CLIC1: variants seen among roughly 807,000 people sequenced by gnomAD.
CLIC1 encodes the protein chloride intracellular channel protein 1.
CLIC1 carries 16 observed loss-of-function variants against 26.4 expected under a neutral mutation model. The ratio of observed to expected loss-of-function variants is 0.61; its 90% CI spans 0.41 to 0.92. The LOEUF (loss-of-function observed/expected upper bound fraction) is 0.92. Among genes scored for constraint, CLIC1 ranks in the 40% least tolerant of loss-of-function variants. CLIC1 has a pLI of 0.00. For missense variants in CLIC1, 225 were observed against 289.7 expected, an observed-to-expected ratio of 0.78 and a Z score of 1.62; for synonymous variants, 98 against 120.8, an observed-to-expected ratio of 0.81 and a Z score of 1.24.
chr6:31,730,693 C>T lies in CLIC1; in HGVS notation c.*149G>A, dbSNP rs1337443961. On this transcript the variant is annotated 3_prime_UTR_variant, in exon 6 of 6. Coordinates refer to ENST00000375784, the Ensembl canonical transcript of CLIC1. The surrounding 1 kb of genome is among the most constrained non-coding windows in gnomAD (Gnocchi z 5.1). Reference sequence around the variant, plus strand: ...CAGGCCCCCCATTTCTTTCCCTCATCCCCTCTTCCACCACACCATCCCGGA... The same window carrying T: ...CAGGCCCCCCATTTCTTTCCCTCATTCCCTCTTCCACCACACCATCCCGGA... The T allele has an allele frequency of 1.3e-6, 1 of 777,732 alleles. No homozygotes were observed. Among genetic ancestry groups the T allele is most frequent in the Non-Finnish European group, 2.1e-6 (1 of 482,100 alleles). 48.2% of individuals were successfully genotyped at this position (777,732 alleles called of 1,614,324 possible). A position where few individuals can be genotyped will look rare whatever the true frequency, so the allele number is the denominator to read the frequency against.
chr6:31,736,891 TTC>T, upstream of CLIC1: 1 of 985,674 alleles, frequency 1.0e-6, no homozygotes, highest in South Asian at 4.7e-5. This position sits in a 1 kb window ranked among gnomAD's most constrained non-coding sequence, Gnocchi z 5.0. Context: ...CCAATCCAAA[TTC>T]TGGGTTGCTG....
chr6:31,733,511 C>T lies in CLIC1; in HGVS notation c.382+55G>A, dbSNP rs1808119133. The T allele has an allele frequency of 8.3e-6, 11 of 1,319,496 alleles. No homozygotes were observed. Among genetic ancestry groups the T allele is most frequent in the South Asian group, 3.5e-5 (3 of 84,568 alleles). 81.7% of individuals were successfully genotyped at this position (1,319,496 alleles called of 1,614,324 possible). A position where few individuals can be genotyped will look rare whatever the true frequency, so the allele number is the denominator to read the frequency against. ...CCAGGTGCCCCTAATGTCTCCTACC[C>T]GCTGGGTCCTCTCTATTCCTCCCAG... On this transcript the variant is annotated intron_variant, in intron 4 of 5. Transcript: ENST00000375784. The surrounding 1 kb of genome is among the most constrained non-coding windows in gnomAD (Gnocchi z 5.4).
chr6:31,733,614 C>A lies in CLIC1; in HGVS notation c.334G>T (p.Ala112Ser), dbSNP rs1232262798. 1 of 1,613,006 alleles carries A rather than the reference C, an allele frequency of 6.2e-7. No homozygotes were observed. Among genetic ancestry groups the A allele is most frequent in the Admixed American group, 1.7e-5 (1 of 60,010 alleles). The change falls in exon 4 of 6, where the codon GCC becomes TCC. Residue 112 changes from alanine to serine, a missense_variant. Coordinates refer to ENST00000375784, the Ensembl canonical transcript of CLIC1. This position sits in a 1 kb window ranked among gnomAD's most constrained non-coding sequence, Gnocchi z 5.4. ...TTCTTGATGTAGGCAGAAAATTTGG[C>A]AAATATGTCCAGCCCAGCTGTGTTG...
chr6:31,733,473 G>C lies in CLIC1; in HGVS notation c.382+93C>G. Reference sequence around the variant, plus strand: ...TTACGAACATCTGCTTCATCTCCCTGATATCTGAACGTCCAGGTGCCCCTA... The same window carrying C: ...TTACGAACATCTGCTTCATCTCCCTCATATCTGAACGTCCAGGTGCCCCTA... On this transcript the variant is annotated intron_variant, in intron 4 of 5. Transcript: ENST00000375784. The surrounding 1 kb of genome is among the most constrained non-coding windows in gnomAD (Gnocchi z 5.4). The C allele has an allele frequency of 5.8e-6, 5 of 856,954 alleles. No homozygotes were observed. The highest frequency in any genetic ancestry group is 9.7e-6 in the Non-Finnish European group (5 of 516,406). The allele number at this position is 856,954 out of a possible 1,614,324, so 53.1% of individuals were successfully genotyped here. A position where few individuals can be genotyped will look rare whatever the true frequency, so the allele number is the denominator to read the frequency against.
upstream of CLIC1, chr6:31,736,999 C>T (rs1583874302): frequency 1.0e-6 from 1 of 965,734 alleles, no homozygotes; most frequent in Non-Finnish European, 1.2e-6. The surrounding 1 kb of genome is among the most constrained non-coding windows in gnomAD (Gnocchi z 5.0). Flanking sequence ...AGGGGTGACG[C>T]CAGCACTCCC....
At position 31,733,805 on chromosome 6, in the gene CLIC1, C is replaced by G; in HGVS notation, c.275+31G>C. On this transcript the variant is annotated intron_variant, in intron 3 of 5. Transcript: ENST00000375784. This position sits in a 1 kb window ranked among gnomAD's most constrained non-coding sequence, Gnocchi z 5.4. ...GTCTGTTTCCCAGAATCTCCCTGCT[C>G]CACCTCTCCACTTTCTGAGTGCCCC... is the stretch of plus-strand genomic sequence containing the variant. 1 of 1,612,376 alleles carries G rather than the reference C, an allele frequency of 6.2e-7. No individual in the cohort carries two copies. The highest frequency in any genetic ancestry group is 1.1e-5 in the South Asian group (1 of 91,064).
In CLIC1 at chr6:31,730,833, A is replaced by G; in HGVS notation, c.*9T>C. 6.2e-7 allele frequency: 1 copy of G among 1,612,922 alleles called. No homozygotes were observed. ...AAATGGAGGGGGTTGAGGGAGTCCCAGGAGGGGCTTATTTGAGGGCCTTTG... is the reference window on the plus strand; with the variant it reads ...AAATGGAGGGGGTTGAGGGAGTCCCGGGAGGGGCTTATTTGAGGGCCTTTG... On this transcript the variant is annotated 3_prime_UTR_variant, in exon 6 of 6. Coordinates refer to ENST00000375784, the Ensembl canonical transcript of CLIC1. This position sits in a 1 kb window ranked among gnomAD's most constrained non-coding sequence, Gnocchi z 5.1.
At chr6:31,731,055 C>T in intron 5 of CLIC1, 52 bp from the exon 6 acceptor site, 1 of 1,553,146 alleles carries the variant, frequency 6.4e-7, no homozygotes, top group Non-Finnish European at 8.8e-7. Flanking sequence ...GGGAAGCCAC[C>T]TTGGCTTTCC....
rs1229713685 is a variant in CLIC1 at position 31,732,273 on chromosome 6, C to T, written c.508G>A (p.Gly170Ser). 2 of 1,597,126 alleles carry T rather than the reference C, an allele frequency of 1.3e-6. No individual in the cohort carries two copies. Among genetic ancestry groups the T allele is most frequent in the Non-Finnish European group, 1.7e-6 (2 of 1,172,392 alleles). ...CAGTCAGCCAGGGTGAGCTCGTTGC[C>T]ATCCAAAAACTTCCTCTGAGAGACA... Residue 170 changes from glycine (G) to serine (S), a missense_variant, in exon 5 of 6, where the codon GGC (glycine) becomes AGC (serine). Gly to Ser is a moderately conservative substitution (Grantham distance 56). Coordinates refer to ENST00000375784, the Ensembl canonical transcript of CLIC1. This position sits in a 1 kb window ranked among gnomAD's most constrained non-coding sequence, Gnocchi z 5.0.
At position 31,732,225 on chromosome 6, in the gene CLIC1, T is replaced by C. The variant is rs549932212; in HGVS notation, c.556A>G (p.Ile186Val). ...CCGCAATAACCACACACCTGTACTA[T>C]GTGTAACTTTGGCAACAGGTTGCAG... Residue 186 changes from isoleucine to valine, a missense_variant, in exon 5 of 6, where the codon ATA becomes GTA. Transcript: ENST00000375784. This position sits in a 1 kb window ranked among gnomAD's most constrained non-coding sequence, Gnocchi z 5.0. The C allele has an allele frequency of 7.1e-5, 110 of 1,555,448 alleles. No homozygotes were observed. The South Asian group carries it at 1.2e-3, about 17-fold the overall frequency.
rs9380267 is a variant in CLIC1, at chr6:31,734,738, G to T, written c.40-475C>A. Among the ~76,000 whole-genome samples the T allele has an allele frequency of 6.7e-6, 1 of 149,528 alleles. No individual in the cohort carries two copies. Among genetic ancestry groups the T allele is most frequent in the Non-Finnish European group, 1.5e-5 (1 of 66,672 alleles). ...GTCTAGTCAAGGGGCCCTGGGCCTC[G>T]CGCTAGAGATGTGGAGGGCCCTACA... On this transcript the variant is annotated intron_variant, in intron 1 of 5. Coordinates refer to ENST00000375784, the Ensembl canonical transcript of CLIC1. This position sits in a 1 kb window ranked among gnomAD's most constrained non-coding sequence, Gnocchi z 5.3.
chr6:31,736,388 CT>C lies in CLIC1; in HGVS notation c.-89del. ...AAGGCGGGTCTCACACTCAGGGACT[CT>C]CTCCCCTAGACCCAGGGCTGTCCCT... On this transcript the variant is annotated 5_prime_UTR_variant, in exon 1 of 6. Coordinates refer to ENST00000375784, the Ensembl canonical transcript of CLIC1. This position sits in a 1 kb window ranked among gnomAD's most constrained non-coding sequence, Gnocchi z 5.0. The C allele has an allele frequency of 6.2e-7, 1 of 1,606,742 alleles. No individual in the cohort carries two copies. The highest frequency in any genetic ancestry group is 8.5e-7 in the Non-Finnish European group (1 of 1,177,664).
rs1312953401 is a variant in CLIC1 at position 31,732,689 on chromosome 6, G to A, written c.383-291C>T. The stretch of plus-strand genomic sequence containing the variant: ...GCCTCCTGAGTAGCTGGGATTACAG[G>A]TGCCTGCCACCACAACTGGCTAATT... On this transcript the variant is annotated intron_variant, in intron 4 of 5. Coordinates refer to ENST00000375784, the Ensembl canonical transcript of CLIC1. This position sits in a 1 kb window ranked among gnomAD's most constrained non-coding sequence, Gnocchi z 5.0. 6.6e-6 allele frequency among the ~76,000 whole-genome samples: 1 copy of A among 151,856 alleles called. No homozygotes were observed. Among genetic ancestry groups the A allele is most frequent in the Non-Finnish European group, 1.5e-5 (1 of 67,976 alleles).
chr6:31,736,642 C>A, upstream of CLIC1: 3 of 1,184,978 alleles, frequency 2.5e-6, no homozygotes, highest in Non-Finnish European at 3.2e-6. The surrounding 1 kb of genome is among the most constrained non-coding windows in gnomAD (Gnocchi z 5.0). Context: ...GGATCTCCCA[C>A]AGGATGGGGA....
chr6:31,734,060 G>A lies in CLIC1; in HGVS notation c.149+94C>T. ...GGATAAGAAAGGGACTCCAGGGGGA[G>A]GGCAAAAATGTTCATGACAGAAGGA... On this transcript the variant is annotated intron_variant, in intron 2 of 5. Transcript: ENST00000375784. The surrounding 1 kb of genome is among the most constrained non-coding windows in gnomAD (Gnocchi z 5.3). 1 of 1,586,566 alleles carries A rather than the reference G, an allele frequency of 6.3e-7. No individual in the cohort carries two copies. The highest frequency in any genetic ancestry group is 8.6e-7 in the Non-Finnish European group (1 of 1,157,412).
Position 31,736,392 on chromosome 6 carries a change from C to A in CLIC1, c.-92G>T, listed in dbSNP as rs2151321644. 6.2e-7 allele frequency: 1 copy of A among 1,604,068 alleles called. No homozygotes were observed. The highest frequency in any genetic ancestry group is 1.1e-5 in the South Asian group (1 of 90,296). ...CGGGTCTCACACTCAGGGACTCTCT[C>A]CCCTAGACCCAGGGCTGTCCCTTCA... On this transcript the variant is annotated 5_prime_UTR_variant, in exon 1 of 6. Coordinates refer to ENST00000375784, the Ensembl canonical transcript of CLIC1. The surrounding 1 kb of genome is among the most constrained non-coding windows in gnomAD (Gnocchi z 5.0).
rs770422089 is a variant in CLIC1, at chr6:31,733,929, C to G, written c.182G>C (p.Gly61Ala). ...ATACAGCAGGAATGGGAGCTGCCCC[C>G]CTGGGCACAGCTTCTGCACTGTCTC... The change falls in exon 3 of 6, where the codon GGG becomes GCG. Residue 61 changes from glycine (G) to alanine (A), a missense_variant. Gly to Ala is a moderately conservative substitution (Grantham distance 60, BLOSUM62 0). Transcript: ENST00000375784. This position sits in a 1 kb window ranked among gnomAD's most constrained non-coding sequence, Gnocchi z 5.4. The G allele has an allele frequency of 3.9e-5, 63 of 1,613,892 alleles. No individual in the cohort carries two copies. The highest frequency in any genetic ancestry group is 1.7e-5 in the Non-Finnish European group (20 of 1,180,010).
In CLIC1 at chr6:31,732,253, A is replaced by G; in HGVS notation, c.528T>C (p.Ala176=). Residue 176 remains alanine, a synonymous_variant, in exon 5 of 6, where the codon GCT becomes GCC. Coordinates refer to ENST00000375784, the Ensembl canonical transcript of CLIC1. This position sits in a 1 kb window ranked among gnomAD's most constrained non-coding sequence, Gnocchi z 5.0. Reference sequence around the variant, plus strand: ...GTAACTTTGGCAACAGGTTGCAGTCAGCCAGGGTGAGCTCGTTGCCATCCA... The same window carrying G: ...GTAACTTTGGCAACAGGTTGCAGTCGGCCAGGGTGAGCTCGTTGCCATCCA... 1.3e-6 allele frequency: 2 copies of G among 1,581,948 alleles called. No homozygotes were observed. Among genetic ancestry groups the G allele is most frequent in the Non-Finnish European group, 1.7e-6 (2 of 1,164,670 alleles).
At chr6:31,736,969 A>G (rs1437582185), upstream of CLIC1, 2 of 985,366 alleles carry the variant, frequency 2.0e-6, no homozygotes, top group East Asian at 1.1e-4. The surrounding 1 kb of genome is among the most constrained non-coding windows in gnomAD (Gnocchi z 5.0). Flanking sequence ...ACCGTTAGCC[A>G]TGCAGCCTGG....
Sources: gnomAD v4.1 joint callset for allele counts (sites outside exome capture counted in the v4.1 genomes callset) on GRCh38, gnomAD v4.1.1 for gene constraint, Gnocchi (gnomAD v3.1) non-coding constraint, MANE v1.5 for transcripts, NCBI Gene and HGNC (gene_info 2026-07-23, HGNC 2026-07-21) for gene names.